Variants in ALDH1A3 observed in about 807,000 individuals in gnomAD.
ALDH1A3 encodes aldehyde dehydrogenase 1 family member A3.
In ALDH1A3, 28 loss-of-function variants were observed where a neutral mutation model predicts 57.5. The ratio of observed to expected loss-of-function variants is 0.49; its 90% CI spans 0.36 to 0.67. ALDH1A3 has a LOEUF of 0.67. Ranked by LOEUF, ALDH1A3 falls within the 30% of genes least tolerant of loss-of-function variation. The pLI, the probability that ALDH1A3 is intolerant of heterozygous loss-of-function variation, is 0.00. For synonymous variants in ALDH1A3, 281 were observed against 264.8 expected (o/e 1.06, Z -0.59); for missense variants, 507 against 669.4 (o/e 0.76, Z 2.68).
At chr15:100,892,379 G>A in intron 3 of ALDH1A3, 131 bp from the exon 4 acceptor site, 2 of 1,176,646 alleles carry the variant, frequency 1.7e-6, no homozygotes, top group Non-Finnish European at 2.4e-6. Context: ...CTGAAGAGGT[G>A]CATCTGACTG....
intron 3 of ALDH1A3, 96 bp from the exon 4 acceptor site, chr15:100,892,413 AG>A: frequency 1.3e-6 from 2 of 1,548,018 alleles, no homozygotes; most frequent in Non-Finnish European, 1.8e-6. Context: ...GCAATGTCCT[AG>A]GACTGTGTTC....
Position 100,901,183 on chromosome 15 carries a change from G to T in ALDH1A3, c.1068+424G>T, listed in dbSNP as rs142928406. Among the ~76,000 whole-genome samples the T allele has an allele frequency of 9.8e-5, 15 of 152,352 alleles. No homozygotes were observed. In the East Asian group the frequency reaches 2.7e-3, roughly 27 times the overall value. On this transcript the variant is annotated intron_variant, in intron 9 of 12. Transcript: ENST00000329841. ...CAGAAATCAAACAATCCCAGACGGA[G>T]AGAGCCTGGGGCAGGAGAATGTATC...
intron 1 of ALDH1A3, among the ~76,000 whole-genome samples, chr15:100,882,566 G>T (rs367599182): frequency 6.6e-6 from 1 of 152,140 alleles, no homozygotes; most frequent in Non-Finnish European, 1.5e-5. Context: ...ACGGGAAATC[G>T]GCATCAATAG....
At position 100,896,128 on chromosome 15, in the gene ALDH1A3, A is replaced by G. The variant is rs112554445; in HGVS notation, c.780+82A>G. On this transcript the variant is annotated intron_variant, in intron 7 of 12. Transcript: ENST00000329841. ...GTGAGCTTTTCCTTTGACAGGCTTTAATATGATTTGTTTTTCTTCTAAATT... is the reference window on the plus strand; with the variant it reads ...GTGAGCTTTTCCTTTGACAGGCTTTGATATGATTTGTTTTTCTTCTAAATT... The G allele has an allele frequency of 7.8e-3, 8,668 of 1,111,388 alleles. 429 individuals are homozygous for G. The African/African-American group carries it at 0.11, about 14-fold the overall frequency. 68.8% of individuals were successfully genotyped at this position (1,111,388 alleles called of 1,614,324 possible). A position where few individuals can be genotyped will look rare whatever the true frequency, so the allele number is the denominator to read the frequency against.
chr15:100,882,104 C>A (rs2041552846), intron 1 of ALDH1A3, among the ~76,000 whole-genome samples: 1 of 152,230 alleles, frequency 6.6e-6, no homozygotes, highest in African/African-American at 2.4e-5. Flanking sequence ...GCATGGGAGC[C>A]AGCAGTGGTC....
intron 12 of ALDH1A3, among the ~76,000 whole-genome samples, chr15:100,909,281 CAT>C (rs869225932): frequency 1.6e-5 from 2 of 122,170 alleles, no homozygotes; most frequent in East Asian, 2.7e-4. Context: ...AACCCCTCCA[CAT>C]GTGTGTGCAA....
chr15:100,885,814 G>A (rs977690539), intron 2 of ALDH1A3, among the ~76,000 whole-genome samples: 3 of 152,146 alleles, frequency 2.0e-5, no homozygotes, highest in African/African-American at 4.8e-5. Context: ...GTTGCTACCC[G>A]GGTGATGCGG....
chr15:100,904,026 T>G (rs2041797348), intron 9 of ALDH1A3, among the ~76,000 whole-genome samples: 4 of 152,240 alleles, frequency 2.6e-5, no homozygotes, highest in Admixed American at 2.6e-4. Flanking sequence ...CTTTTTTGGC[T>G]TCTGCATTTT....
intron 9 of ALDH1A3, 129 bp from the exon 10 acceptor site, chr15:100,905,394 C>T (rs1424217892): frequency 5.9e-6 from 7 of 1,185,304 alleles, no homozygotes; most frequent in Non-Finnish European, 6.0e-6. Context: ...TCATTAGTTA[C>T]ATGGATCATG....
intron 9 of ALDH1A3, among the ~76,000 whole-genome samples, chr15:100,902,699 C>T (rs905813612): frequency 6.6e-6 from 1 of 152,228 alleles, no homozygotes; most frequent in African/African-American, 2.4e-5. Context: ...TGCCCTGCTG[C>T]GTCATCTCAC....
chr15:100,886,523 G>T (rs577964443), intron 2 of ALDH1A3, among the ~76,000 whole-genome samples: 27 of 152,264 alleles, frequency 1.8e-4, no homozygotes, highest in Admixed American at 1.5e-3. Flanking sequence ...CATCTCCCCT[G>T]CCAAGCTTCT....
At chr15:100,905,810 T>G in intron 10 of ALDH1A3, 123 bp downstream of exon 10, 1 of 1,069,810 alleles carries the variant, frequency 9.3e-7, no homozygotes, top group South Asian at 1.8e-5. Flanking sequence ...GTTGCTGTTG[T>G]TGTCGTTGTT....
chr15:100,907,330 T>C lies in ALDH1A3; in HGVS notation c.1391+52T>C, dbSNP rs536589803. ...CTCTCCTGAGTTGCTTCTTGCTAAG[T>C]TCATTATTCTTCTATTAACTGAGAG... On this transcript the variant is annotated intron_variant, in intron 11 of 12. Coordinates refer to ENST00000329841, the MANE Select transcript of ALDH1A3 (RefSeq NM_000693.4). 8.3e-6 allele frequency: 13 copies of C among 1,562,210 alleles called. No individual in the cohort carries two copies. In the African/African-American group the frequency reaches 1.1e-4, roughly 13 times the overall value.
chr15:100,907,729 A>G (rs568022930), intron 11 of ALDH1A3, among the ~76,000 whole-genome samples: 49 of 152,332 alleles, frequency 3.2e-4, no homozygotes, highest in African/African-American at 9.4e-4. Flanking sequence ...AGGTTGAGCA[A>G]TAAGCCCAGA....
rs1336984843 is a variant in ALDH1A3, at chr15:100,895,938, G to A, written c.672G>A (p.Gly224=). The part of the protein sequence containing the change: ...LYLGSLIKEA[G]FPPGVVNIVP... ...CTATCTTGATTTCTTCCCAGGCCGG[G>A]TTCCCTCCAGGAGTGGTGAACATTG... Residue 224 remains glycine (G), a synonymous_variant, in exon 7 of 13, where the codon GGG becomes GGA. Transcript: ENST00000329841. 3 of 1,612,384 alleles carry A rather than the reference G, an allele frequency of 1.9e-6. No homozygotes were observed. Among genetic ancestry groups the A allele is most frequent in the African/African-American group, 1.3e-5 (1 of 74,902 alleles).
At chr15:100,912,543 T>G (rs1381360365) in intron 12 of ALDH1A3, among the ~76,000 whole-genome samples, 1 of 152,228 alleles carries the variant, frequency 6.6e-6, no homozygotes, top group African/African-American at 2.4e-5. Context: ...AGCATTCTGT[T>G]TATGGCTTTT....
In ALDH1A3 at chr15:100,912,664, T is replaced by C. The variant is rs547873811; in HGVS notation, c.1467-2037T>C. On this transcript the variant is annotated intron_variant, in intron 12 of 12. Transcript: ENST00000329841. The stretch of plus-strand genomic sequence containing the variant: ...TAAAAATCTCAATGGCACCTACCAT[T>C]CATTTTCTGCCTAACACATAGTAGG... Among the ~76,000 whole-genome samples, 3 of 152,376 alleles carry C rather than the reference T, an allele frequency of 2.0e-5. No individual in the cohort carries two copies. In the East Asian group the frequency reaches 5.8e-4, roughly 29 times the overall value.
At position 100,894,981 on chromosome 15, in the gene ALDH1A3, C is replaced by T. The variant is rs886938149; in HGVS notation, c.666+899C>T. On this transcript the variant is annotated intron_variant, in intron 6 of 12. Coordinates refer to ENST00000329841, the MANE Select transcript of ALDH1A3 (RefSeq NM_000693.4). The surrounding 1 kb of genome is among the most constrained non-coding windows in gnomAD (Gnocchi z 4.5). ...AGGTGGGGAAGAGCATCCTCCACCT[C>T]GTTTGTTTTGTGTTCTCGCCTGATA... The T allele has an allele frequency of 2.0e-5, 3 of 152,186 alleles. No individual in the cohort carries two copies. The highest frequency in any genetic ancestry group is 7.2e-5 in the African/African-American group (3 of 41,448). The allele number at this position is 152,186 out of a possible 1,614,324, so 9.4% of individuals were successfully genotyped here.
Position 100,893,028 on chromosome 15 carries a change from A to T in ALDH1A3, c.537+22A>T. ...TCCAGTAAGTATGGCAGCCTTTCTCAGTAGATTCTATGTAGATCCTGCCCC... is the reference window on the plus strand; with the variant it reads ...TCCAGTAAGTATGGCAGCCTTTCTCTGTAGATTCTATGTAGATCCTGCCCC... On this transcript the variant is annotated intron_variant, in intron 5 of 12. Coordinates refer to ENST00000329841, the MANE Select transcript of ALDH1A3 (RefSeq NM_000693.4). This position sits in a 1 kb window ranked among gnomAD's most constrained non-coding sequence, Gnocchi z 4.8. 6.2e-7 allele frequency: 1 copy of T among 1,607,990 alleles called. No homozygotes were observed. Among genetic ancestry groups the T allele is most frequent in the Non-Finnish European group, 8.5e-7 (1 of 1,175,500 alleles).
Sources: allele counts gnomAD v4.1 joint callset (sites outside exome capture counted in the v4.1 genomes callset), GRCh38; gene constraint gnomAD v4.1.1; non-coding constraint Gnocchi (gnomAD v3.1); transcripts MANE v1.5; gene names NCBI Gene and HGNC (gene_info 2026-07-23, HGNC 2026-07-21).